TTC12: variants seen among roughly 807,000 people sequenced by gnomAD.
TTC12 encodes tetratricopeptide repeat domain 12, also known as tetratricopeptide repeat protein 12.
TTC12 carries 70 observed loss-of-function variants against 90.1 expected under a neutral mutation model. That is an observed-to-expected ratio of 0.78 (90% CI 0.64 to 0.95). The LOEUF (loss-of-function observed/expected upper bound fraction) is 0.95, where lower values mean the gene tolerates loss of function less well. TTC12 is among the 40% of genes least tolerant of loss of function. The pLI is 0.00. For synonymous variants in TTC12, 296 were observed against 311.5 expected, an observed-to-expected ratio of 0.95 and a Z score of 0.53; for missense variants, 819 against 846.1, an observed-to-expected ratio of 0.97 and a Z score of 0.40.
At chr11:113,357,733 C>T (rs932377006) in intron 16 of TTC12, among the ~76,000 whole-genome samples, 2 of 152,182 alleles carry the variant, frequency 1.3e-5, no homozygotes, top group African/African-American at 2.4e-5. Context: ...ACTGGATGCT[C>T]TAACTCTGAG....
downstream of TTC12, among the ~76,000 whole-genome samples, chr11:113,370,193 G>A (rs1950344661): frequency 6.6e-6 from 1 of 152,222 alleles, no homozygotes; most frequent in Non-Finnish European, 1.5e-5. Context: ...GAAGGTGCTA[G>A]GATCAATGCT....
intron 16 of TTC12, among the ~76,000 whole-genome samples, chr11:113,353,169 T>C (rs888541712): frequency 6.6e-6 from 1 of 152,190 alleles, no homozygotes; most frequent in Admixed American, 6.5e-5. Context: ...CATTCTGACT[T>C]GTGTGAGATG....
intron 12 of TTC12, among the ~76,000 whole-genome samples, chr11:113,343,813 GA>G (rs1174447729): frequency 1.3e-5 from 2 of 152,164 alleles, no homozygotes; most frequent in African/African-American, 4.8e-5. Context: ...TAGTTTTCTG[GA>G]TAACATTTCC....
At chr11:113,334,939 TC>T in intron 7 of TTC12, 26 bp from the exon 8 acceptor site, 1 of 1,596,120 alleles carries the variant, frequency 6.3e-7, no homozygotes, top group Non-Finnish European at 8.6e-7. Flanking sequence ...TTCTAAAACT[TC>T]TGATCAGTCA....
chr11:113,372,336 C>T (rs916931991), intron 21 of TTC12, among the ~76,000 whole-genome samples: 7 of 152,220 alleles, frequency 4.6e-5, no homozygotes, highest in Non-Finnish European at 7.3e-5. Context: ...CTCACTCCAC[C>T]TTCTAAGCCA....
intron 8 of TTC12, among the ~76,000 whole-genome samples, chr11:113,335,530 A>T (rs1048340884): frequency 5.9e-5 from 9 of 152,142 alleles, no homozygotes; most frequent in Non-Finnish European, 7.4e-5. Flanking sequence ...AATCAATTTT[A>T]AAAAATTTTC....
intron 13 of TTC12, among the ~76,000 whole-genome samples, chr11:113,346,558 A>G (rs1349515475): frequency 6.6e-6 from 1 of 152,036 alleles, no homozygotes; most frequent in Non-Finnish European, 1.5e-5. Flanking sequence ...CTTCTTTAAG[A>G]CAGGTCAATA....
intron 16 of TTC12, among the ~76,000 whole-genome samples, chr11:113,356,275 T>C (rs1398901011): frequency 6.6e-6 from 1 of 152,216 alleles, no homozygotes; most frequent in Non-Finnish European, 1.5e-5. Context: ...GCTTTTTTTC[T>C]GTTTTCCATT....
intron 10 of TTC12, among the ~76,000 whole-genome samples, chr11:113,340,441 C>G (rs1948617641): frequency 6.6e-6 from 1 of 152,272 alleles, no homozygotes; most frequent in South Asian, 2.1e-4. Flanking sequence ...CTCTCCTTCT[C>G]TAAACAGTCC....
At position 113,324,606 on chromosome 11, in the gene TTC12, G is replaced by C; in HGVS notation, c.246G>C (p.Glu82Asp). ...AMKSAEEINS[E>D]AFLASVEKDA... is the part of the protein sequence containing the mutation. ...TATCTGAAATTACCCTGCTGTCAGA[G>C]GCCTTCTTGGCATCTGTGGAGAAGG... is the stretch of plus-strand genomic sequence containing the variant. Residue 82 changes from glutamate to aspartate, a missense_variant and splice_region_variant, in exon 5 of 22, where the codon GAG (glutamate) becomes GAC (aspartate). Glu to Asp is a conservative substitution (Grantham distance 45). Coordinates refer to ENST00000529221, the MANE Select transcript of TTC12 (RefSeq NM_017868.4). 6.2e-7 allele frequency: 1 copy of C among 1,613,024 alleles called. No homozygotes were observed. Among genetic ancestry groups the C allele is most frequent in the Non-Finnish European group, 8.5e-7 (1 of 1,179,414 alleles).
chr11:113,344,205 A>T (rs1213959266), intron 12 of TTC12, 67 bp from the exon 13 acceptor site: 1 of 1,507,602 alleles, frequency 6.6e-7, no homozygotes, highest in Non-Finnish European at 9.0e-7. Context: ...ATTAGGATAG[A>T]GGGTGACAGA....
chr11:113,351,828 G>T (rs1242253042), intron 15 of TTC12, among the ~76,000 whole-genome samples: 3 of 152,204 alleles, frequency 2.0e-5, no homozygotes, highest in African/African-American at 7.2e-5. Flanking sequence ...GAAGGGATTT[G>T]CCCAGGTCCC....
intron 20 of TTC12, chr11:113,364,268 A>C (rs915283653): frequency 7.8e-6 from 2 of 255,706 alleles, no homozygotes; most frequent in Non-Finnish European, 1.5e-5. Context: ...AACAAGGGAA[A>C]TATCAGAGTC....
intron 2 of TTC12, 75 bp from the exon 3 acceptor site, chr11:113,323,213 A>T: frequency 8.5e-7 from 1 of 1,173,956 alleles, no homozygotes; most frequent in Non-Finnish European, 1.1e-6. Flanking sequence ...CATGCATTTT[A>T]TGCACCATCC....
rs749384816 is a variant in TTC12 at position 113,364,857 on chromosome 11, G to C, written c.1839G>C (p.Leu613=). The change falls in exon 21 of 22, where the codon CTG becomes CTC. Residue 613 remains leucine, a synonymous_variant. Coordinates refer to ENST00000529221, the MANE Select transcript of TTC12 (RefSeq NM_017868.4). The stretch of plus-strand genomic sequence containing the variant: ...CAGAGTTGAGCGTTATGATGAAGCT[G>C]CTCAGCTCGGAGGATGAGGTTCTGG... ...LDKKLSVMMK[L]LSSEDEVLVG... 44 of 1,614,068 alleles carry C rather than the reference G, an allele frequency of 2.7e-5. No individual in the cohort carries two copies. The highest frequency in any genetic ancestry group is 3.5e-5 in the Non-Finnish European group (41 of 1,180,010).
chr11:113,335,232 C>G (rs1291073919), intron 8 of TTC12, among the ~76,000 whole-genome samples, 195 bp downstream of exon 8: 3 of 152,142 alleles, frequency 2.0e-5, no homozygotes, highest in Non-Finnish European at 4.4e-5. Flanking sequence ...AGCTGTAGGA[C>G]TCTCTTCTGC....
chr11:113,368,317 C>T, downstream of TTC12: 1 of 1,544,468 alleles, frequency 6.5e-7, no homozygotes, highest in Non-Finnish European at 8.7e-7. Context: ...TCCACCCCCG[C>T]CACCGCCCCA....
rs189993498 is a variant in TTC12 at position 113,321,767 on chromosome 11, C to G, written c.59-1521C>G. 4.9e-4 allele frequency among the ~76,000 whole-genome samples: 75 copies of G among 152,296 alleles called. 1 individual carries two copies. The highest frequency in any genetic ancestry group is 1.7e-3 in the African/African-American group (71 of 41,558). ...GTGCATTTGAATTAGGGCTTGCACT[C>G]ATACCACTCATGAGAAAGTAAGACA... On this transcript the variant is annotated intron_variant, in intron 2 of 21. Transcript: ENST00000529221.
chr11:113,343,435 C>T (rs1308399771), intron 12 of TTC12, among the ~76,000 whole-genome samples: 1 of 152,176 alleles, frequency 6.6e-6, no homozygotes, highest in Non-Finnish European at 1.5e-5. Flanking sequence ...GTAATGTTTG[C>T]AACGAAAACA....
Sources: gnomAD v4.1 joint callset for allele counts (sites outside exome capture counted in the v4.1 genomes callset) on GRCh38, gnomAD v4.1.1 for gene constraint, MANE v1.5 for transcripts, NCBI Gene and HGNC (gene_info 2026-07-23, HGNC 2026-07-21) for gene names.